COL5A2: variants seen among roughly 807,000 people sequenced by gnomAD.
The protein encoded by COL5A2 is collagen type V alpha 2 chain.
Under a neutral mutation model 208.2 loss-of-function variants are expected in COL5A2, and 23 were observed. That is an observed-to-expected ratio of 0.11 (90% CI 0.08 to 0.16). COL5A2 has a LOEUF of 0.16. COL5A2 is among the 10% of genes least tolerant of loss of function. COL5A2 has a pLI of 1.00. For missense variants in COL5A2, 1,590 were observed against 1,956.4 expected (o/e 0.81, Z 3.53); for synonymous variants, 625 against 628.5 (o/e 0.99, Z 0.08).
intron 35 of COL5A2, among the ~76,000 whole-genome samples, chr2:189,054,690 CTTTTTTTTTTTT>C (rs58380313): frequency 1.8e-5 from 2 of 113,554 alleles, no homozygotes; most frequent in African/African-American, 3.3e-5. Context: ...GTGTTTTTTC[CTTTTTTTTTTTT>C]TTTTTTTTTG....
intron 1 of COL5A2, among the ~76,000 whole-genome samples, chr2:189,199,391 A>G (rs1689043650): frequency 6.6e-6 from 1 of 152,240 alleles, no homozygotes; most frequent in Non-Finnish European, 1.5e-5. Flanking sequence ...TTTAGTCAAG[A>G]GCTTTAATTT....
intron 38 of COL5A2, 29 bp downstream of exon 38, chr2:189,053,395 T>C: frequency 6.3e-7 from 1 of 1,589,248 alleles, no homozygotes; most frequent in Non-Finnish European, 8.6e-7. Flanking sequence ...AGTGTTTATT[T>C]GTAAATTAGG....
chr2:189,127,079 A>G (rs1687620433), intron 1 of COL5A2, among the ~76,000 whole-genome samples: 1 of 152,066 alleles, frequency 6.6e-6, no homozygotes, highest in Admixed American at 6.6e-5. Flanking sequence ...TTGTAGGGGG[A>G]TTGGGATACC....
At chr2:189,051,632 C>T (rs994704337) in intron 41 of COL5A2, 151 bp from the exon 42 acceptor site, 1 of 587,368 alleles carries the variant, frequency 1.7e-6, no homozygotes. Context: ...AGGATTTAAA[C>T]AAAACAAAAC....
the COL5A2 span, among the ~76,000 whole-genome samples, chr2:189,330,767 C>A: frequency 3.9e-5 from 6 of 152,186 alleles, no homozygotes; most frequent in Non-Finnish European, 8.8e-5. Context: ...AGGCTCATTG[C>A]AATTACAGAC....
At chr2:189,384,976 A>G in the COL5A2 span, among the ~76,000 whole-genome samples, 1 of 152,182 alleles carries the variant, frequency 6.6e-6, no homozygotes, top group Non-Finnish European at 1.5e-5. Flanking sequence ...TATTTCTGAT[A>G]ATCTTTTTTA....
intron 45 of COL5A2, among the ~76,000 whole-genome samples, chr2:189,046,981 G>C (rs1467216286): frequency 6.6e-6 from 1 of 152,092 alleles, no homozygotes; most frequent in African/African-American, 2.4e-5. Flanking sequence ...AATTAGCTGG[G>C]TGTGGTGGCA....
At chr2:189,406,204 G>A in the COL5A2 span, among the ~76,000 whole-genome samples, 1 of 152,112 alleles carries the variant, frequency 6.6e-6, no homozygotes, top group Admixed American at 6.5e-5. Flanking sequence ...GTTGGAAATT[G>A]AGAATTTTAA....
chr2:189,050,995 A>G (rs1311705934), intron 42 of COL5A2, among the ~76,000 whole-genome samples: 4 of 152,144 alleles, frequency 2.6e-5, no homozygotes, highest in Non-Finnish European at 5.9e-5. Context: ...ACAATAAGGA[A>G]AAAAGAGTTA....
chr2:189,167,057 C>T lies in COL5A2; in HGVS notation c.97+12451G>A, dbSNP rs374440386. Among the ~76,000 whole-genome samples the T allele has an allele frequency of 5.3e-5, 8 of 152,138 alleles. No individual in the cohort carries two copies. The East Asian group carries it at 5.8e-4, about 11-fold the overall frequency. ...GATGGCCTCCCAATCCTGAAAAATG[C>T]CTTTCCTTCAGACAGAAAGGTGAAT... On this transcript the variant is annotated intron_variant, in intron 1 of 53. Coordinates refer to ENST00000374866, the MANE Select transcript of COL5A2 (RefSeq NM_000393.5).
chr2:189,054,059 T>C (rs1315163875), intron 36 of COL5A2, 100 bp downstream of exon 36: 1 of 1,410,316 alleles, frequency 7.1e-7, no homozygotes, highest in East Asian at 2.3e-5. Flanking sequence ...GAAATGATCT[T>C]GCTCAGATAC....
At chr2:189,055,391 C>T (rs1685881613) in intron 35 of COL5A2, among the ~76,000 whole-genome samples, 1 of 152,178 alleles carries the variant, frequency 6.6e-6, no homozygotes, top group Non-Finnish European at 1.5e-5. Flanking sequence ...AACAAGTTCT[C>T]TATCTTATAA....
At chr2:189,424,683 C>T in the COL5A2 span, among the ~76,000 whole-genome samples, 2 of 152,096 alleles carry the variant, frequency 1.3e-5, no homozygotes, top group Non-Finnish European at 2.9e-5. Flanking sequence ...CATAAATAAA[C>T]AGAAAGGTAC....
At chr2:189,085,851 T>C in intron 9 of COL5A2, 79 bp from the exon 10 acceptor site, 7 of 1,209,496 alleles carry the variant, frequency 5.8e-6, no homozygotes, top group Non-Finnish European at 8.5e-6. Flanking sequence ...ATATACAGTG[T>C]AATTGTTTAG....
chr2:189,294,043 A>G, the COL5A2 span, among the ~76,000 whole-genome samples: 1 of 149,792 alleles, frequency 6.7e-6, no homozygotes, highest in African/African-American at 2.5e-5. Context: ...AGCTGAGATC[A>G]TGACACTGCA....
At chr2:189,382,505 G>A in the COL5A2 span, among the ~76,000 whole-genome samples, 1 of 152,028 alleles carries the variant, frequency 6.6e-6, no homozygotes, top group Non-Finnish European at 1.5e-5. Flanking sequence ...TCTATTTATG[G>A]AAGTTTTTCT....
intron 47 of COL5A2, among the ~76,000 whole-genome samples, chr2:189,043,631 A>G (rs1685605532): frequency 6.6e-6 from 1 of 152,166 alleles, no homozygotes; most frequent in Non-Finnish European, 1.5e-5. Context: ...TATTGCTACC[A>G]TATATAGATT....
chr2:189,098,132 C>T (rs181259579), intron 5 of COL5A2, among the ~76,000 whole-genome samples: 18 of 152,128 alleles, frequency 1.2e-4, no homozygotes, highest in Non-Finnish European at 2.2e-4. Flanking sequence ...ATTTACTCAA[C>T]CCAACATATA....
At chr2:189,362,403 T>C in the COL5A2 span, among the ~76,000 whole-genome samples, 2 of 152,136 alleles carry the variant, frequency 1.3e-5, no homozygotes, top group Non-Finnish European at 2.9e-5. Flanking sequence ...CCATAATTTA[T>C]CTTCTAATTT....
Sources: gnomAD v4.1 joint callset for allele counts (sites outside exome capture counted in the v4.1 genomes callset) on GRCh38, gnomAD v4.1.1 for gene constraint, MANE v1.5 for transcripts, NCBI Gene and HGNC (gene_info 2026-07-23, HGNC 2026-07-21) for gene names.